PRDM10: variants seen among roughly 807,000 people sequenced by gnomAD.
The protein encoded by PRDM10 is PR domain zinc finger protein 10.
Under a neutral mutation model 133.1 loss-of-function variants are expected in PRDM10, and 65 were observed. The ratio of observed to expected loss-of-function variants is 0.49; its 90% CI spans 0.40 to 0.60. The LOEUF is 0.60. PRDM10 is among the 20% of genes least tolerant of loss of function. The probability of loss-of-function intolerance (pLI) is 0.00; values close to 1 mark genes in which losing one functional copy is unlikely to be tolerated. For synonymous variants in PRDM10, 582 were observed against 580.4 expected (o/e 1.00, Z -0.04); for missense variants, 1,137 against 1,507.1 (o/e 0.75, Z 4.07).
chr11:129,901,991 C>T lies in PRDM10; in HGVS notation c.*322G>A. The T allele has an allele frequency of 3.7e-6, 1 of 273,952 alleles. No individual in the cohort carries two copies. Among genetic ancestry groups the T allele is most frequent in the Non-Finnish European group, 7.0e-6 (1 of 143,686 alleles). 17.0% of individuals were successfully genotyped at this position (273,952 alleles called of 1,614,324 possible). On this transcript the variant is annotated 3_prime_UTR_variant, in exon 21 of 21. Transcript: ENST00000360871. The stretch of plus-strand genomic sequence containing the variant: ...CCTTTGGTATGAACACAATATGCCA[C>T]TTAATATTTCCACAAAGGAAAAGTA...
rs892623096 is a variant in PRDM10, at chr11:129,932,164, G to C, written c.1225C>G (p.Pro409Ala). The change falls in exon 10 of 21, where the codon CCA (proline) becomes GCA (alanine). Residue 409 changes from proline (P) to alanine (A), a missense_variant. This residue lies in a region of PRDM10 where 635 missense variants were observed against 835.2 expected (regional missense o/e 0.76). Transcript: ENST00000360871. The stretch of plus-strand genomic sequence containing the variant: ...GTGATTTCCAGGCGGATAAATTTTG[G>C]AGGACGCCCCGGCCGTCGACCTGGA... ...FGPGRRPGRP[P>A]KFIRLEITSE... 5 of 1,613,944 alleles carry C rather than the reference G, an allele frequency of 3.1e-6. No homozygotes were observed. Among genetic ancestry groups the C allele is most frequent in the Non-Finnish European group, 4.2e-6 (5 of 1,180,010 alleles).
rs142860202 is a variant in PRDM10, at chr11:129,987,817, G to A, written c.-119+14905C>T. On this transcript the variant is annotated intron_variant, in intron 1 of 20. Transcript: ENST00000360871. ...AGATCAAGACCATCCTGGCTAACAC[G>A]GTGAAACCTCGTCTCTACTAAAAAA... Among the ~76,000 whole-genome samples the A allele has an allele frequency of 6.2e-3, 949 of 152,274 alleles. 8 individuals are homozygous for A. The highest frequency in any genetic ancestry group is 0.022 in the African/African-American group (909 of 41,568).
chr11:129,997,581 AC>A (rs1393372917), intron 1 of PRDM10, among the ~76,000 whole-genome samples: 1 of 149,172 alleles, frequency 6.7e-6, no homozygotes, highest in East Asian at 1.9e-4. Flanking sequence ...TTTCTAAATC[AC>A]AGGAGAAAAA....
In PRDM10 at chr11:129,947,387, G is replaced by A. The variant is rs1375961996; in HGVS notation, c.295-17C>T. 6.2e-7 allele frequency: 1 copy of A among 1,614,128 alleles called. No homozygotes were observed. Among genetic ancestry groups the A allele is most frequent in the South Asian group, 1.1e-5 (1 of 91,088 alleles). On this transcript the variant is annotated splice_polypyrimidine_tract_variant and intron_variant, in intron 4 of 20. Transcript: ENST00000360871. This position sits in a 1 kb window ranked among gnomAD's most constrained non-coding sequence, Gnocchi z 4.6. ...CAATGAGGCCTGGGCAAAAGTTGAA[G>A]GCACAGAGTAAGCAGACATGGACAC...
chr11:129,913,219 C>CAAAAAAAA (rs750114740), intron 17 of PRDM10, among the ~76,000 whole-genome samples: 1 of 78,880 alleles, frequency 1.3e-5, no homozygotes, highest in African/African-American at 5.0e-5. Flanking sequence ...ACCCTGTCTC[C>CAAAAAAAA]AAAAAAAAAA....
intron 1 of PRDM10, among the ~76,000 whole-genome samples, chr11:130,000,699 CACAAG>C (rs578063145): frequency 5.8e-4 from 89 of 152,312 alleles, no homozygotes; most frequent in African/African-American, 2.0e-3. Flanking sequence ...GGGTAGAAGG[CACAAG>C]ACATTTGTCT....
At chr11:129,941,669 C>G (rs1187261638) in intron 7 of PRDM10, among the ~76,000 whole-genome samples, 1 of 152,198 alleles carries the variant, frequency 6.6e-6, no homozygotes, top group Non-Finnish European at 1.5e-5. Context: ...CTGCTTTTCA[C>G]TTTCAGTACA....
At chr11:129,963,039 C>T (rs1951826486) in intron 1 of PRDM10, among the ~76,000 whole-genome samples, 2 of 151,528 alleles carry the variant, frequency 1.3e-5, no homozygotes, top group Admixed American at 1.3e-4. Flanking sequence ...GTCCCAGCTT[C>T]TTGGGAGTCT....
intron 8 of PRDM10, among the ~76,000 whole-genome samples, chr11:129,937,346 T>C (rs1462552268): frequency 6.6e-6 from 1 of 152,246 alleles, no homozygotes; most frequent in African/African-American, 2.4e-5. Flanking sequence ...GGAATCGTCC[T>C]CTGATCTAGG....
rs770712837 is a variant in PRDM10, at chr11:129,902,355, G to A, written c.3429C>T (p.Thr1143=). The change falls in exon 21 of 21, where the codon ACC becomes ACT. Residue 1143 remains threonine (T), a synonymous_variant. Transcript: ENST00000360871. ...GCACTTCGCTGCTTCCGTTCCCGTT[G>A]GTGGTGGTGGTGATGATGTACTGTG... ...QTTQYIITTT[T]NGNGSSEVHI... is the part of the protein sequence containing the mutation. 1 of 1,613,728 alleles carries A rather than the reference G, an allele frequency of 6.2e-7. No individual in the cohort carries two copies. The highest frequency in any genetic ancestry group is 2.2e-5 in the East Asian group (1 of 44,876).
chr11:129,982,389 A>G (rs910852677), intron 1 of PRDM10, among the ~76,000 whole-genome samples: 2 of 151,924 alleles, frequency 1.3e-5, no homozygotes, highest in African/African-American at 4.8e-5. Flanking sequence ...CAGCCTCCCA[A>G]GTAGCTGGGA....
intron 20 of PRDM10, among the ~76,000 whole-genome samples, 158 bp downstream of exon 20, chr11:129,905,480 G>A (rs983340158): frequency 2.6e-5 from 4 of 151,932 alleles, no homozygotes; most frequent in African/African-American, 9.7e-5. Flanking sequence ...AGGGCACTGA[G>A]GATAAAGTGA....
chr11:129,963,101 A>G (rs1287977074), intron 1 of PRDM10, among the ~76,000 whole-genome samples: 3 of 151,660 alleles, frequency 2.0e-5, no homozygotes, highest in South Asian at 4.2e-4. Flanking sequence ...GTGAGCCTAG[A>G]TCACACCACT....
In PRDM10 at chr11:129,947,128, C is replaced by A. The variant is rs1591647918; in HGVS notation, c.520+17G>T. On this transcript the variant is annotated intron_variant, in intron 5 of 20. Coordinates refer to ENST00000360871, the MANE Select transcript of PRDM10 (RefSeq NM_199437.2). This position sits in a 1 kb window ranked among gnomAD's most constrained non-coding sequence, Gnocchi z 4.6. ...ATGGACACAGCTTCCCTGGGGGAGA[C>A]CCGTGCCCACACTTACACAAGTCGT... 6 of 1,612,490 alleles carry A rather than the reference C, an allele frequency of 3.7e-6. No homozygotes were observed. The highest frequency in any genetic ancestry group is 5.1e-6 in the Non-Finnish European group (6 of 1,178,978).
intron 4 of PRDM10, among the ~76,000 whole-genome samples, chr11:129,950,532 G>T (rs1951555959): frequency 6.6e-6 from 1 of 152,150 alleles, no homozygotes; most frequent in Non-Finnish European, 1.5e-5. Flanking sequence ...CTGTGAGGGT[G>T]AGGACTCCAC....
In PRDM10 at chr11:129,925,041, G is replaced by A. The variant is rs1294466209; in HGVS notation, c.1719C>T (p.Ser573=). The A allele has an allele frequency of 2.5e-6, 4 of 1,614,084 alleles. No homozygotes were observed. The Admixed American group carries it at 6.7e-5, about 27-fold the overall frequency. Residue 573 remains serine (S), a synonymous_variant, in exon 12 of 21, where the codon AGC becomes AGT. Coordinates refer to ENST00000360871, the MANE Select transcript of PRDM10 (RefSeq NM_199437.2). ...KGFISSTSLE[S]HMKLHSDQKT... ...TCTGGTCTGAGTGGAGCTTCATGTG[G>A]CTCTCCAAGGATGTGCTGCTGATGA...
At chr11:129,933,020 A>C (rs1004141519) in intron 9 of PRDM10, among the ~76,000 whole-genome samples, 2 of 152,210 alleles carry the variant, frequency 1.3e-5, no homozygotes, top group African/African-American at 4.8e-5. Flanking sequence ...TGGGCCTCCC[A>C]AAGTGCGGGG....
chr11:129,977,299 C>T (rs1014221592), intron 1 of PRDM10, among the ~76,000 whole-genome samples: 9 of 148,116 alleles, frequency 6.1e-5, no homozygotes, highest in Non-Finnish European at 1.3e-4. Context: ...CACACACACA[C>T]ATTGAGATGC....
chr11:129,948,492 G>A (rs1483876949), intron 4 of PRDM10, among the ~76,000 whole-genome samples: 2 of 152,050 alleles, frequency 1.3e-5, no homozygotes, highest in Non-Finnish European at 2.9e-5. Flanking sequence ...AACTCCTGCA[G>A]CCCTTGGAGC....
Sources: gnomAD v4.1 joint callset for allele counts (sites outside exome capture counted in the v4.1 genomes callset) on GRCh38, gnomAD v4.1.1 for gene constraint, gnomAD v4.1.1 regional missense constraint, Gnocchi (gnomAD v3.1) non-coding constraint, MANE v1.5 for transcripts, NCBI Gene and HGNC (gene_info 2026-07-23, HGNC 2026-07-21) for gene names.